GALNTL6: variants seen among roughly 807,000 people sequenced by gnomAD.
The protein encoded by GALNTL6 is polypeptide N-acetylgalactosaminyltransferase-like 6.
In GALNTL6, 46 loss-of-function variants were observed where a neutral mutation model predicts 73.7. The ratio of observed to expected loss-of-function variants is 0.62; its 90% CI spans 0.49 to 0.80. The LOEUF (loss-of-function observed/expected upper bound fraction) is 0.80. GALNTL6 is among the 30% of genes least tolerant of loss of function. GALNTL6 has a pLI of 0.00. For missense variants in GALNTL6, 604 were observed against 755.0 expected, an observed-to-expected ratio of 0.80 and a Z score of 2.34; for synonymous variants, 259 against 263.7, an observed-to-expected ratio of 0.98 and a Z score of 0.17.
chr4:172,037,622 C>T (rs1394106651), intron 2 of GALNTL6, among the ~76,000 whole-genome samples: 1 of 152,124 alleles, frequency 6.6e-6, no homozygotes, highest in African/African-American at 2.4e-5. Flanking sequence ...CCTCAAAGTC[C>T]CAACTCTTGT....
chr4:173,022,739 A>T (rs758399703), intron 12 of GALNTL6, among the ~76,000 whole-genome samples: 3 of 152,234 alleles, frequency 2.0e-5, no homozygotes, highest in Non-Finnish European at 2.9e-5. Context: ...CAAAAATTAT[A>T]AAGTTAACAG....
intron 7 of GALNTL6, among the ~76,000 whole-genome samples, chr4:172,855,668 T>C (rs1214738665): frequency 6.6e-6 from 1 of 152,172 alleles, no homozygotes; most frequent in Non-Finnish European, 1.5e-5. Context: ...CCTTGAGTAT[T>C]TGCTTTTTAA....
chr4:172,520,855 A>T (rs1734754015), intron 5 of GALNTL6, among the ~76,000 whole-genome samples: 1 of 151,942 alleles, frequency 6.6e-6, no homozygotes, highest in South Asian at 2.1e-4. Flanking sequence ...TATTTTGTAG[A>T]TGTTCTATTT....
At chr4:172,882,958 T>G in intron 8 of GALNTL6, 51 bp downstream of exon 8, 1 of 955,310 alleles carries the variant, frequency 1.0e-6, no homozygotes, top group Non-Finnish European at 1.6e-6. Context: ...TTGACAATTC[T>G]GATAGAATAT....
intron 3 of GALNTL6, among the ~76,000 whole-genome samples, chr4:172,242,351 T>G (rs1051408774): frequency 2.1e-4 from 32 of 152,134 alleles, no homozygotes; most frequent in African/African-American, 7.5e-4. Flanking sequence ...GATGTGTATG[T>G]GTTTTGTGAA....
In GALNTL6 at chr4:172,217,171, G is replaced by A. The variant is rs578092870; in HGVS notation, c.139-12485G>A. Among the ~76,000 whole-genome samples the A allele has an allele frequency of 1.2e-4, 19 of 152,234 alleles. 1 individual carries two copies. In the South Asian group the frequency reaches 3.9e-3, roughly 32 times the overall value. ...ACTCTTAGTTAATCTCTTCAGGATT[G>A]GGAGGGCCTGGAAGAAAAAGATCTA... On this transcript the variant is annotated intron_variant, in intron 2 of 12. Transcript: ENST00000506823.
intron 5 of GALNTL6, among the ~76,000 whole-genome samples, chr4:172,759,228 A>G (rs1222208743): frequency 6.6e-6 from 1 of 152,212 alleles, no homozygotes; most frequent in Non-Finnish European, 1.5e-5. Flanking sequence ...TGTGCAGGTA[A>G]TAGGGGAGAT....
At chr4:172,256,729 G>A (rs1187149231) in intron 3 of GALNTL6, among the ~76,000 whole-genome samples, 1 of 151,330 alleles carries the variant, frequency 6.6e-6, no homozygotes, top group Non-Finnish European at 1.5e-5. Context: ...TAGCCAAACT[G>A]TCACTATCAT....
At chr4:172,361,773 C>T (rs958331911) in intron 5 of GALNTL6, among the ~76,000 whole-genome samples, 2 of 152,098 alleles carry the variant, frequency 1.3e-5, no homozygotes, top group Non-Finnish European at 2.9e-5. Context: ...TACAGGACTC[C>T]CTTTTCTCAT....
At chr4:172,196,699 A>G (rs1246590249) in intron 2 of GALNTL6, among the ~76,000 whole-genome samples, 2 of 152,188 alleles carry the variant, frequency 1.3e-5, no homozygotes, top group Non-Finnish European at 2.9e-5. Context: ...AAACCACATC[A>G]TTATCTCAAT....
intron 5 of GALNTL6, among the ~76,000 whole-genome samples, chr4:172,443,565 A>G (rs1011865512): frequency 3.9e-5 from 6 of 152,136 alleles, no homozygotes; most frequent in African/African-American, 1.2e-4. Flanking sequence ...ACAATACCCT[A>G]ATAAAGTAGT....
intron 2 of GALNTL6, among the ~76,000 whole-genome samples, chr4:171,888,571 G>A (rs1347565105): frequency 2.0e-5 from 3 of 151,980 alleles, no homozygotes; most frequent in Non-Finnish European, 4.4e-5. Context: ...GGAATATTCT[G>A]ATGGGACAGA....
At chr4:172,679,394 A>G (rs183524003) in intron 5 of GALNTL6, among the ~76,000 whole-genome samples, 162 of 151,590 alleles carry the variant, frequency 1.1e-3, no homozygotes, top group African/African-American at 3.3e-3. Flanking sequence ...CTGGGCAATA[A>G]GAGAGAAACT....
chr4:171,951,311 A>G (rs995084609), intron 2 of GALNTL6, among the ~76,000 whole-genome samples: 1 of 152,122 alleles, frequency 6.6e-6, no homozygotes, highest in Non-Finnish European at 1.5e-5. Context: ...ATAACTTTAA[A>G]CAAGCTAGAA....
intron 8 of GALNTL6, among the ~76,000 whole-genome samples, chr4:172,887,004 G>T (rs565129446): frequency 2.7e-4 from 41 of 152,006 alleles, no homozygotes; most frequent in Admixed American, 9.2e-4. Context: ...CTCTTGTAGT[G>T]ATCAGTGACT....
chr4:172,275,180 G>A (rs190752794), intron 3 of GALNTL6, among the ~76,000 whole-genome samples: 3 of 152,032 alleles, frequency 2.0e-5, no homozygotes, highest in African/African-American at 7.2e-5. Context: ...TAAACCTAAG[G>A]ACAAAAGAAA....
chr4:172,585,374 T>A (rs1249634946), intron 5 of GALNTL6, among the ~76,000 whole-genome samples: 1 of 152,120 alleles, frequency 6.6e-6, no homozygotes, highest in East Asian at 1.9e-4. Context: ...CCCGCATGCA[T>A]TAGGCATTTG....
intron 2 of GALNTL6, among the ~76,000 whole-genome samples, chr4:172,134,624 T>G (rs1396002287): frequency 6.6e-6 from 1 of 152,152 alleles, no homozygotes; most frequent in Non-Finnish European, 1.5e-5. Context: ...ATGAAATATA[T>G]GACATAATTA....
At chr4:172,767,667 CTTTTT>C (rs1553986523) in intron 5 of GALNTL6, among the ~76,000 whole-genome samples, 1 of 118,098 alleles carries the variant, frequency 8.5e-6, no homozygotes, top group Non-Finnish European at 1.7e-5. Context: ...GATTTTTTTT[CTTTTT>C]TTTTTTTTTT....
Sources: gnomAD v4.1 joint callset for allele counts (sites outside exome capture counted in the v4.1 genomes callset) on GRCh38, gnomAD v4.1.1 for gene constraint, MANE v1.5 for transcripts, NCBI Gene and HGNC (gene_info 2026-07-23, HGNC 2026-07-21) for gene names.